Variants in NSG2 observed in about 807,000 individuals in gnomAD.
NSG2 encodes the protein neuronal vesicle trafficking-associated protein 2.
A neutral mutation model predicts 16.9 loss-of-function variants in NSG2; 4 were observed. That is an observed-to-expected ratio of 0.24 (90% CI 0.12 to 0.54). The LOEUF (loss-of-function observed/expected upper bound fraction) is 0.54, where lower values mean the gene tolerates loss of function less well. NSG2 is among the 20% of genes least tolerant of loss of function. The pLI is 0.95. For missense variants in NSG2, 179 were observed against 221.1 expected (o/e 0.81, Z 1.21); for synonymous variants, 98 against 88.7 (o/e 1.11, Z -0.59).
chr5:174,080,622 T>C (rs928744246), intron 3 of NSG2, among the ~76,000 whole-genome samples: 2 of 151,732 alleles, frequency 1.3e-5, no homozygotes, highest in Non-Finnish European at 2.9e-5. Context: ...GGTACAGTGG[T>C]GTGATCTTGG....
intron 3 of NSG2, among the ~76,000 whole-genome samples, chr5:174,077,550 C>T (rs555402573): frequency 2.0e-5 from 3 of 152,310 alleles, no homozygotes; most frequent in East Asian, 3.9e-4. Context: ...CTTTCTACTC[C>T]GAATGCTTTT....
At chr5:174,067,543 G>A (rs140719395) in intron 3 of NSG2, among the ~76,000 whole-genome samples, 1 of 152,248 alleles carries the variant, frequency 6.6e-6, no homozygotes. Flanking sequence ...GCCCTGTCAG[G>A]CATGGGCAGA....
chr5:174,062,055 C>T (rs1036837485), intron 2 of NSG2, among the ~76,000 whole-genome samples: 1 of 152,000 alleles, frequency 6.6e-6, no homozygotes, highest in African/African-American at 2.4e-5. Flanking sequence ...CTACAGCTGC[C>T]TCAGTATCTA....
At chr5:174,101,564 C>T (rs767507307) in intron 3 of NSG2, among the ~76,000 whole-genome samples, 3 of 152,208 alleles carry the variant, frequency 2.0e-5, no homozygotes, top group Non-Finnish European at 2.9e-5. Context: ...TGGCCATTGG[C>T]GTCTGGGTTC....
At chr5:174,065,821 G>A (rs750869439) in intron 3 of NSG2, among the ~76,000 whole-genome samples, 8 of 152,214 alleles carry the variant, frequency 5.3e-5, no homozygotes, top group Admixed American at 1.3e-4. Flanking sequence ...GTGGCCACAA[G>A]CGAGTCACTA....
intron 4 of NSG2, among the ~76,000 whole-genome samples, chr5:174,106,145 T>C (rs766877590): frequency 1.3e-5 from 2 of 152,072 alleles, no homozygotes; most frequent in Non-Finnish European, 2.9e-5. Flanking sequence ...TGGAAAGAAA[T>C]TCAGGAAGGA....
chr5:174,104,330 G>A lies in NSG2; in HGVS notation c.316G>A (p.Val106Ile), dbSNP rs145176911. The A allele has an allele frequency of 1.2e-5, 19 of 1,610,898 alleles. No individual in the cohort carries two copies. The highest frequency in any genetic ancestry group is 2.2e-5 in the South Asian group (2 of 91,032). ...TGATCACAGCTGCCCAGAGGGATTCGTCTATAAGGTAAGAGGTGGTTGAGT... is the reference window on the plus strand; with the variant it reads ...TGATCACAGCTGCCCAGAGGGATTCATCTATAAGGTAAGAGGTGGTTGAGT... ...TYDHSCPEGF[V>I]YKHKRCIPAS... Residue 106 changes from valine to isoleucine, a missense_variant, in exon 4 of 5, where the codon GTC becomes ATC. Transcript: ENST00000303177.
intron 2 of NSG2, among the ~76,000 whole-genome samples, chr5:174,057,010 T>C (rs544899965): frequency 6.6e-6 from 1 of 152,378 alleles, no homozygotes; most frequent in African/African-American, 2.4e-5. Context: ...AATTATGTTC[T>C]TCATATTAGC....
Position 174,107,880 on chromosome 5 carries a change from C to T in NSG2, c.*375C>T, listed in dbSNP as rs1417831473. ...GCATTAAACTGGCTCCATCAGAAGA[C>T]GTTGAAGGGCAGTGAAGAGCACAGA... On this transcript the variant is annotated 3_prime_UTR_variant, in exon 5 of 5. Transcript: ENST00000303177. This position sits in a 1 kb window ranked among gnomAD's most constrained non-coding sequence, Gnocchi z 4.5. 1.0e-5 allele frequency: 4 copies of T among 394,600 alleles called. No homozygotes were observed. The highest frequency in any genetic ancestry group is 6.8e-5 in the East Asian group (1 of 14,648). 24.4% of individuals were successfully genotyped at this position (394,600 alleles called of 1,614,324 possible). A position where few individuals can be genotyped will look rare whatever the true frequency, so the allele number is the denominator to read the frequency against.
chr5:174,099,444 C>G (rs534284570), intron 3 of NSG2, among the ~76,000 whole-genome samples: 62 of 152,298 alleles, frequency 4.1e-4, no homozygotes, highest in African/African-American at 1.4e-3. Context: ...TCAGCCTTCC[C>G]ACTGGCCCCC....
intron 2 of NSG2, among the ~76,000 whole-genome samples, chr5:174,062,834 T>G (rs978148420): frequency 6.6e-6 from 1 of 152,222 alleles, no homozygotes; most frequent in Non-Finnish European, 1.5e-5. Context: ...AAGGACATTC[T>G]TCATAGAAGA....
Position 174,107,711 on chromosome 5 carries a change from G to A in NSG2, c.*206G>A, listed in dbSNP as rs1259433006. ...TTTCTTTTTGTTCCTTGGTATTGTT[G>A]ATTCGTCGCCGAGTCAGGCTCATGT... On this transcript the variant is annotated 3_prime_UTR_variant, in exon 5 of 5. Transcript: ENST00000303177. The surrounding 1 kb of genome is among the most constrained non-coding windows in gnomAD (Gnocchi z 4.5). 11 of 703,130 alleles carry A rather than the reference G, an allele frequency of 1.6e-5. No homozygotes were observed. In the East Asian group the frequency reaches 2.2e-4, roughly 14 times the overall value. 43.6% of individuals were successfully genotyped at this position (703,130 alleles called of 1,614,324 possible).
At position 174,104,305 on chromosome 5, in the gene NSG2, T is replaced by C; in HGVS notation, c.291T>C (p.Tyr97=). ...TGGTGGTTTACAAAGCCTTCACCTATGATCACAGCTGCCCAGAGGGATTCG... is the reference window on the plus strand; with the variant it reads ...TGGTGGTTTACAAAGCCTTCACCTACGATCACAGCTGCCCAGAGGGATTCG... The part of the protein sequence containing the change: ...VFLVVYKAFT[Y]DHSCPEGFVY... The change falls in exon 4 of 5, where the codon TAT becomes TAC. Residue 97 remains tyrosine, a synonymous_variant. Coordinates refer to ENST00000303177, the MANE Select transcript of NSG2 (RefSeq NM_015980.5). 6.2e-7 allele frequency: 1 copy of C among 1,614,118 alleles called. No individual in the cohort carries two copies. Among genetic ancestry groups the C allele is most frequent in the East Asian group, 2.2e-5 (1 of 44,880 alleles).
chr5:174,056,140 A>G (rs67823244), intron 2 of NSG2: 21,336 of 152,194 alleles, frequency 0.14, 2,093 homozygotes, highest in African/African-American at 0.27. Context: ...GTTCCCCAGG[A>G]TCAGAGTTCA....
At chr5:174,097,619 C>CT (rs2113472426) in intron 3 of NSG2, among the ~76,000 whole-genome samples, 2 of 139,344 alleles carry the variant, frequency 1.4e-5, no homozygotes, top group South Asian at 4.7e-4. Flanking sequence ...GTGTTTCTCT[C>CT]TGTGTGTGTC....
Position 174,072,226 on chromosome 5 carries a change from C to T in NSG2, c.213+7911C>T, listed in dbSNP as rs1274512867. On this transcript the variant is annotated intron_variant, in intron 3 of 4. Coordinates refer to ENST00000303177, the MANE Select transcript of NSG2 (RefSeq NM_015980.5). The surrounding 1 kb of genome is among the most constrained non-coding windows in gnomAD (Gnocchi z 4.0). ...GCCCCTTTCCTCAGCAGCCCCAGTC[C>T]TTTCTCCTCCCCTTCTAGAGCACAT... Among the ~76,000 whole-genome samples the T allele has an allele frequency of 6.6e-6, 1 of 152,244 alleles. No homozygotes were observed. Among genetic ancestry groups the T allele is most frequent in the Non-Finnish European group, 1.5e-5 (1 of 68,040 alleles).
In NSG2 at chr5:174,091,039, C is replaced by CAT. The variant is rs756759643; in HGVS notation, c.214-13189_214-13188insAT. On this transcript the variant is annotated intron_variant, in intron 3 of 4. Coordinates refer to ENST00000303177, the MANE Select transcript of NSG2 (RefSeq NM_015980.5). ...TTCTTCTTCCTTCCCCTTCTTCTTC[C>CAT]TTTTTTTTTTTTTTTTTTTTCCATC... is the stretch of plus-strand genomic sequence containing the variant. 4.8e-5 allele frequency among the ~76,000 whole-genome samples: 6 copies of CAT among 124,092 alleles called. No homozygotes were observed. In the East Asian group the frequency reaches 1.2e-3, roughly 26 times the overall value. The allele number at this position is 124,092 out of a possible 152,430, so 81.4% of individuals were successfully genotyped here.
chr5:174,092,706 C>T (rs1052511259), intron 3 of NSG2, among the ~76,000 whole-genome samples: 5 of 152,206 alleles, frequency 3.3e-5, no homozygotes, highest in African/African-American at 4.8e-5. Flanking sequence ...GCTTGTACCT[C>T]ATGATAGTTT....
intron 2 of NSG2, among the ~76,000 whole-genome samples, chr5:174,053,933 A>G (rs1759929824): frequency 6.6e-6 from 1 of 152,222 alleles, no homozygotes; most frequent in South Asian, 2.1e-4. Context: ...TTTGACTGGT[A>G]TGCTTTTCAC....
Sources: allele counts gnomAD v4.1 joint callset (sites outside exome capture counted in the v4.1 genomes callset), GRCh38; gene constraint gnomAD v4.1.1; non-coding constraint Gnocchi (gnomAD v3.1); transcripts MANE v1.5; gene names NCBI Gene and HGNC (gene_info 2026-07-23, HGNC 2026-07-21).